Variants in NAMPT observed in about 807,000 individuals in gnomAD.
NAMPT encodes NAmPRTase.
In NAMPT, 7 loss-of-function variants were observed where a neutral mutation model predicts 58.7. That is an observed-to-expected ratio of 0.12 (90% CI 0.07 to 0.22). The LOEUF (loss-of-function observed/expected upper bound fraction) is 0.22, where lower values mean the gene tolerates loss of function less well. Ranked by LOEUF, NAMPT falls within the 10% of genes least tolerant of loss-of-function variation. The probability of loss-of-function intolerance (pLI) is 1.00; values close to 1 mark genes in which losing one functional copy is unlikely to be tolerated. For missense variants in NAMPT, 271 were observed against 567.9 expected, an observed-to-expected ratio of 0.48 and a Z score of 5.31; for synonymous variants, 145 against 198.1, an observed-to-expected ratio of 0.73 and a Z score of 2.25.
chr7:106,253,259 CACTT>C, intron 9 of NAMPT, 108 bp from the exon 10 acceptor site: 1 of 1,205,398 alleles, frequency 8.3e-7, no homozygotes, highest in South Asian at 1.5e-5. Flanking sequence ...AAGTTTTAAG[CACTT>C]AATAGGTATA....
Position 106,251,107 on chromosome 7 carries a change from A to C in NAMPT, c.1452T>G (p.Ile484Met). 6.3e-7 allele frequency: 1 copy of C among 1,585,988 alleles called. No individual in the cohort carries two copies. The highest frequency in any genetic ancestry group is 8.7e-7 in the Non-Finnish European group (1 of 1,154,770). Residue 484 changes from isoleucine to methionine, a missense_variant, in exon 11 of 11, where the codon ATT (isoleucine) becomes ATG (methionine). Ile to Met is a conservative substitution (Grantham distance 10). Coordinates refer to ENST00000222553, the MANE Select transcript of NAMPT (RefSeq NM_005746.3). ...DEIRKNAQLNIELEAAHH is the reference protein window; with the variant it reads ...DEIRKNAQLNMELEAAHH The stretch of plus-strand genomic sequence containing the variant: ...CCTAATGATGTGCTGCTTCCAGTTC[A>C]ATATTCAGCTGTGCATTTTTTCTTA...
intron 4 of NAMPT, chr7:106,272,205 C>T (rs574132482): frequency 2.0e-4 from 56 of 281,580 alleles, no homozygotes; most frequent in African/African-American, 1.2e-3. Context: ...TCGTAAGTTA[C>T]TAGAAATGTG....
At chr7:106,257,496 T>C (rs1586012786) in intron 8 of NAMPT, among the ~76,000 whole-genome samples, 1 of 143,760 alleles carries the variant, frequency 7.0e-6, no homozygotes, top group South Asian at 2.2e-4. Flanking sequence ...TCAGGTGTGG[T>C]GGCACACACT....
chr7:106,279,487 A>G (rs975052273), intron 1 of NAMPT, among the ~76,000 whole-genome samples: 4 of 152,220 alleles, frequency 2.6e-5, no homozygotes, highest in Non-Finnish European at 4.4e-5. Context: ...TTTTTAAGAA[A>G]GTATTTCTAA....
intron 8 of NAMPT, among the ~76,000 whole-genome samples, chr7:106,258,744 T>C (rs1792252664): frequency 6.6e-6 from 1 of 152,250 alleles, no homozygotes; most frequent in Non-Finnish European, 1.5e-5. Flanking sequence ...AAATACTTCA[T>C]TGCTAAATAA....
chr7:106,254,246 C>G, intron 9 of NAMPT, 118 bp downstream of exon 9: 1 of 1,133,206 alleles, frequency 8.8e-7, no homozygotes, highest in South Asian at 1.4e-5. Flanking sequence ...CAGTAGTACC[C>G]AACAACATAT....
chr7:106,274,752 G>C (rs1043094198), intron 3 of NAMPT, among the ~76,000 whole-genome samples, 194 bp downstream of exon 3: 2 of 152,182 alleles, frequency 1.3e-5, no homozygotes, highest in Non-Finnish European at 2.9e-5. Context: ...CTACTAAGGA[G>C]GCTAAGGCAG....
chr7:106,285,028 G>T (rs1792845121), upstream of NAMPT: 15 of 1,395,850 alleles, frequency 1.1e-5, no homozygotes, highest in Non-Finnish European at 1.4e-5. Context: ...GGAGAGAGGG[G>T]AGGGGTCAGA....
chr7:106,282,312 T>C (rs1456558429), intron 1 of NAMPT, among the ~76,000 whole-genome samples: 1 of 152,210 alleles, frequency 6.6e-6, no homozygotes, highest in Non-Finnish European at 1.5e-5. Flanking sequence ...CTGTCCCTCC[T>C]GGATTTCAAA....
chr7:106,268,307 A>G (rs543862983), intron 6 of NAMPT, 157 bp downstream of exon 6: 2 of 646,612 alleles, frequency 3.1e-6, no homozygotes, highest in Non-Finnish European at 2.6e-6. Context: ...CTCTAAGACT[A>G]ATGTTTATAC....
At chr7:106,277,228 T>C (rs1562818933) in intron 1 of NAMPT, 49 bp from the exon 2 acceptor site, 2 of 1,453,178 alleles carry the variant, frequency 1.4e-6, no homozygotes, top group Non-Finnish European at 9.5e-7. Context: ...GAGTAGACTA[T>C]AAATCACAAC....
intron 6 of NAMPT, 165 bp downstream of exon 6, chr7:106,268,299 C>T: frequency 1.7e-6 from 1 of 605,584 alleles, no homozygotes; most frequent in Non-Finnish European, 2.8e-6. Context: ...CTCTGCCTCT[C>T]TAAGACTAAT....
intron 4 of NAMPT, chr7:106,272,122 T>C: frequency 5.2e-6 from 2 of 383,720 alleles, no homozygotes; most frequent in Non-Finnish European, 1.0e-5. Flanking sequence ...GAGAGAAAAA[T>C]GAAGAAAGTA....
chr7:106,255,253 A>G (rs993636720), intron 8 of NAMPT, among the ~76,000 whole-genome samples: 3 of 152,230 alleles, frequency 2.0e-5, no homozygotes, highest in African/African-American at 7.2e-5. Context: ...TCTTTCACCA[A>G]AGTCAAGTTT....
intron 1 of NAMPT, among the ~76,000 whole-genome samples, chr7:106,283,491 A>G (rs1792804336): frequency 6.6e-6 from 1 of 152,164 alleles, no homozygotes; most frequent in Admixed American, 6.5e-5. Flanking sequence ...AAAAAATTCT[A>G]CAAAACTATC....
At chr7:106,252,995 A>G in intron 10 of NAMPT, 22 bp downstream of exon 10, 1 of 1,602,676 alleles carries the variant, frequency 6.2e-7, no homozygotes, top group Non-Finnish European at 8.5e-7. Context: ...GCTTAAAAAA[A>G]CCAATCAGCA....
At chr7:106,265,854 G>A (rs1339138691) in intron 6 of NAMPT, among the ~76,000 whole-genome samples, 1 of 151,996 alleles carries the variant, frequency 6.6e-6, no homozygotes, top group Non-Finnish European at 1.5e-5. Context: ...CCTTTCCAAA[G>A]TTTGAGAAAA....
At chr7:106,263,708 C>A in intron 6 of NAMPT, 91 bp from the exon 7 acceptor site, 1 of 915,774 alleles carries the variant, frequency 1.1e-6, no homozygotes, top group Non-Finnish European at 1.7e-6. Context: ...TTTACTATAC[C>A]AAACCATCAA....
In NAMPT at chr7:106,275,973, G is replaced by C. The variant is rs112436251; in HGVS notation, c.215-924C>G. 4.3e-4 allele frequency: 65 copies of C among 152,360 alleles called. 1 individual carries two copies. Among genetic ancestry groups the C allele is most frequent in the African/African-American group, 1.5e-3 (61 of 41,544 alleles). 9.4% of individuals were successfully genotyped at this position (152,360 alleles called of 1,614,324 possible). A position where few individuals can be genotyped will look rare whatever the true frequency, so the allele number is the denominator to read the frequency against. On this transcript the variant is annotated intron_variant, in intron 2 of 10. Transcript: ENST00000222553. ...GAGCCTGGGAGGCAGAGGTTGCAGT[G>C]AGCCAAGATTGCACCACTGCACTCC...
Sources: allele counts gnomAD v4.1 joint callset (sites outside exome capture counted in the v4.1 genomes callset), GRCh38; gene constraint gnomAD v4.1.1; transcripts MANE v1.5; gene names NCBI Gene and HGNC (gene_info 2026-07-23, HGNC 2026-07-21).